The following PKNOX2 variants were observed in gnomAD, a reference collection of about 807,000 sequenced individuals.
PKNOX2 encodes the protein PBX/knotted 1 homeobox 2, also known as homeobox protein PKNOX2.
PKNOX2 carries 14 observed loss-of-function variants against 53.1 expected under a neutral mutation model. The ratio of observed to expected loss-of-function variants is 0.26; its 90% CI spans 0.17 to 0.41. The LOEUF (loss-of-function observed/expected upper bound fraction) is 0.41. Ranked by LOEUF, PKNOX2 falls within the 10% of genes least tolerant of loss-of-function variation. PKNOX2 has a pLI of 1.00. For synonymous variants in PKNOX2, 257 were observed against 242.8 expected (o/e 1.06, Z -0.54); for missense variants, 496 against 602.8 (o/e 0.82, Z 1.85).
At chr11:125,249,990 G>C (rs192299576) in intron 2 of PKNOX2, among the ~76,000 whole-genome samples, 1 of 148,910 alleles carries the variant, frequency 6.7e-6, no homozygotes, top group Non-Finnish European at 1.5e-5. Context: ...GCTTGTACCC[G>C]GGAGGCAGAG....
chr11:125,414,450 G>T (rs1353213725), intron 10 of PKNOX2, among the ~76,000 whole-genome samples: 6 of 152,296 alleles, frequency 3.9e-5, no homozygotes. Context: ...TGGCCACTGG[G>T]CCTCTAAAGG....
chr11:125,278,835 C>T (rs574146795), intron 2 of PKNOX2, among the ~76,000 whole-genome samples: 2 of 152,324 alleles, frequency 1.3e-5, no homozygotes, highest in South Asian at 4.1e-4. Context: ...AGAGAGGTCA[C>T]ATAACTTGTC....
intron 6 of PKNOX2, among the ~76,000 whole-genome samples, chr11:125,392,975 A>G (rs1031249352): frequency 6.6e-6 from 1 of 151,884 alleles, no homozygotes; most frequent in East Asian, 1.9e-4. Flanking sequence ...TGGGAAACAC[A>G]GTGAAACCCT....
At chr11:125,194,213 C>T (rs1957046115) in intron 1 of PKNOX2, among the ~76,000 whole-genome samples, 1 of 152,216 alleles carries the variant, frequency 6.6e-6, no homozygotes, top group Admixed American at 6.5e-5. Context: ...TTCTCCTTTT[C>T]CAGTAGGGCC....
chr11:125,283,816 G>T (rs1449413333), intron 2 of PKNOX2, among the ~76,000 whole-genome samples: 1 of 152,166 alleles, frequency 6.6e-6, no homozygotes, highest in Non-Finnish European at 1.5e-5. Context: ...AGGATAGAAA[G>T]GTGCTTGCTA....
chr11:125,210,264 C>T lies in PKNOX2; in HGVS notation c.-200-24781C>T, dbSNP rs1027033486. 5.3e-5 allele frequency among the ~76,000 whole-genome samples: 8 copies of T among 151,996 alleles called. 1 individual carries two copies. Among genetic ancestry groups the T allele is most frequent in the Non-Finnish European group, 1.2e-4 (8 of 67,976 alleles). On this transcript the variant is annotated intron_variant, in intron 1 of 12. Transcript: ENST00000298282. ...CAGTCCTGAATTTTGCTCTTTGTGT[C>T]GGAGGGAGTCTGGCTAAAACCAAAG...
At chr11:125,362,781 T>G (rs1951994550) in intron 4 of PKNOX2, among the ~76,000 whole-genome samples, 1 of 152,160 alleles carries the variant, frequency 6.6e-6, no homozygotes, top group African/African-American at 2.4e-5. Context: ...TGGGTATCAG[T>G]GAGGGCAAGT....
intron 2 of PKNOX2, among the ~76,000 whole-genome samples, chr11:125,268,679 AG>A (rs1161473978): frequency 3.3e-5 from 5 of 152,208 alleles, no homozygotes; most frequent in Admixed American, 6.5e-5. Context: ...TCTGAAGGGC[AG>A]GGGGGCCTGG....
chr11:125,397,496 A>G (rs1954479956), intron 6 of PKNOX2, among the ~76,000 whole-genome samples: 1 of 152,200 alleles, frequency 6.6e-6, no homozygotes, highest in Non-Finnish European at 1.5e-5. Flanking sequence ...TTTGTTAGCC[A>G]CTAAGGCACA....
intron 2 of PKNOX2, among the ~76,000 whole-genome samples, chr11:125,236,551 T>TC (rs1023411076): frequency 1.3e-5 from 2 of 151,680 alleles, no homozygotes; most frequent in Non-Finnish European, 2.9e-5. Context: ...GGCCTGCGCA[T>TC]CCCCCCGATC....
At chr11:125,300,973 G>A (rs1948024006) in intron 2 of PKNOX2, among the ~76,000 whole-genome samples, 1 of 152,214 alleles carries the variant, frequency 6.6e-6, no homozygotes, top group Non-Finnish European at 1.5e-5. Context: ...CGAGATTGCA[G>A]TGTGTGGCCC....
rs562284328 is a variant in PKNOX2, at chr11:125,370,724, A to G, written c.227+2739A>G. ...AGTACCAGCCGCCCTCTCTGCAGCC[A>G]TTGCCCCGGGATGACCAGGGAGGGA... On this transcript the variant is annotated intron_variant, in intron 5 of 12. Coordinates refer to ENST00000298282, the MANE Select transcript of PKNOX2 (RefSeq NM_001382323.2). The surrounding 1 kb of genome is among the most constrained non-coding windows in gnomAD (Gnocchi z 4.1). Among the ~76,000 whole-genome samples the G allele has an allele frequency of 2.0e-5, 3 of 152,282 alleles. No homozygotes were observed. Among genetic ancestry groups the G allele is most frequent in the African/African-American group, 7.2e-5 (3 of 41,570 alleles).
intron 1 of PKNOX2, among the ~76,000 whole-genome samples, chr11:125,181,484 A>AGAACG: frequency 6.6e-6 from 1 of 152,114 alleles, no homozygotes; most frequent in East Asian, 1.9e-4. Context: ...AGAAGGGAAC[A>AGAACG]GTGGTTAGGA....
intron 2 of PKNOX2, among the ~76,000 whole-genome samples, chr11:125,315,312 A>AAAAAAAAAAAAAAAAAC (rs1949095096): frequency 7.0e-6 from 1 of 143,078 alleles, no homozygotes; most frequent in Admixed American, 6.8e-5. Context: ...GGAAAAAAAA[A>AAAAAAAAAAAAAAAAAC]AAAAAAAAAA....
At chr11:125,237,724 T>G (rs1942828027) in intron 2 of PKNOX2, among the ~76,000 whole-genome samples, 1 of 152,214 alleles carries the variant, frequency 6.6e-6, no homozygotes, top group Non-Finnish European at 1.5e-5. Flanking sequence ...TAATAGGTCC[T>G]GCAGCTAGCA....
rs559627390 is a variant in PKNOX2, at chr11:125,338,831, G to C, written c.-23+6906G>C. 9.8e-5 allele frequency among the ~76,000 whole-genome samples: 15 copies of C among 152,294 alleles called. No homozygotes were observed. In the South Asian group the frequency reaches 2.9e-3, roughly 29 times the overall value. ...TGTCCATCTCACTGGAGAAAGAAGA[G>C]GGCAAAGTGAAGGCATGATCTTGAA... On this transcript the variant is annotated intron_variant, in intron 3 of 12. Coordinates refer to ENST00000298282, the MANE Select transcript of PKNOX2 (RefSeq NM_001382323.2).
chr11:125,391,582 G>A (rs1318544473), intron 6 of PKNOX2, among the ~76,000 whole-genome samples: 1 of 152,214 alleles, frequency 6.6e-6, no homozygotes, highest in Non-Finnish European at 1.5e-5. Flanking sequence ...CAAACTACTT[G>A]TTCAAAATAT....
intron 1 of PKNOX2, among the ~76,000 whole-genome samples, chr11:125,209,547 C>A (rs588855): frequency 1.3e-5 from 2 of 151,522 alleles, no homozygotes; most frequent in Non-Finnish European, 2.9e-5. Context: ...ATAGCATGCT[C>A]AGGAAGAAGG....
chr11:125,203,445 C>T (rs185512518), intron 1 of PKNOX2, among the ~76,000 whole-genome samples: 6 of 152,338 alleles, frequency 3.9e-5, no homozygotes, highest in Admixed American at 3.9e-4. Flanking sequence ...GACATCAGGA[C>T]AATTACAAGT....
Sources: gnomAD v4.1 joint callset for allele counts (sites outside exome capture counted in the v4.1 genomes callset) on GRCh38, gnomAD v4.1.1 for gene constraint, Gnocchi (gnomAD v3.1) non-coding constraint, MANE v1.5 for transcripts, NCBI Gene and HGNC (gene_info 2026-07-23, HGNC 2026-07-21) for gene names.